Variants in PHRF1 observed in about 807,000 individuals in gnomAD.
PHRF1 encodes PHD and RING finger domain-containing protein 1.
PHRF1 carries 53 observed loss-of-function variants against 128.9 expected under a neutral mutation model. The ratio of observed to expected loss-of-function variants is 0.41; its 90% CI spans 0.33 to 0.52. The LOEUF (loss-of-function observed/expected upper bound fraction) is 0.52. Among genes scored for constraint, PHRF1 ranks in the 20% least tolerant of loss-of-function variants. The pLI is 0.21. For missense variants in PHRF1, 2,503 were observed against 2,284.5 expected (o/e 1.10, Z -1.95); for synonymous variants, 1,178 against 980.6 (o/e 1.20, Z -3.76).
rs772198064 is a variant in PHRF1 at position 597,399 on chromosome 11, G to T, written c.723G>T (p.Ala241=). 17 of 1,611,490 alleles carry T rather than the reference G, an allele frequency of 1.1e-5. No homozygotes were observed. Among genetic ancestry groups the T allele is most frequent in the Admixed American group, 5.0e-5 (3 of 59,828 alleles). Residue 241 remains alanine (A), a synonymous_variant, in exon 8 of 18, where the codon GCG becomes GCT. Transcript: ENST00000264555. The surrounding 1 kb of genome is among the most constrained non-coding windows in gnomAD (Gnocchi z 6.5). ...AGCCCTGGTGGTTCTTCCCAGATGC[G>T]GGTCCCGTGAGTGAGGAGGAGGTCT... The part of the protein sequence containing the change: ...AAPGVVLAAD[A]GPVSEEEVSL...
At chr11:579,303 T>C (rs1425001506) in intron 1 of PHRF1, among the ~76,000 whole-genome samples, 1 of 145,344 alleles carries the variant, frequency 6.9e-6, no homozygotes, top group Non-Finnish European at 1.5e-5. Flanking sequence ...TTTGAAGTGT[T>C]CCTTGGTAGA....
At chr11:600,846 G>A (rs57504413) in intron 9 of PHRF1, among the ~76,000 whole-genome samples, 5,966 of 152,064 alleles carry the variant, frequency 0.039, 402 homozygotes, top group African/African-American at 0.14. Context: ...GGCGCCTGTA[G>A]TCCCAGCTAC....
intron 6 of PHRF1, among the ~76,000 whole-genome samples, chr11:593,070 C>T (rs894379011): frequency 6.6e-6 from 1 of 152,158 alleles, no homozygotes; most frequent in Non-Finnish European, 1.5e-5. Flanking sequence ...CCTCCTTCAC[C>T]CTCTGGTGCA....
At position 607,771 on chromosome 11, in the gene PHRF1, C is replaced by A. The variant is rs752568631; in HGVS notation, c.2315C>A (p.Ser772Ter). The change falls in exon 14 of 18, where the codon TCG becomes TAG. Residue 772 changes from serine to a stop codon, truncating the protein, a stop_gained. Coordinates refer to ENST00000264555, the MANE Select transcript of PHRF1 (RefSeq NM_001286581.2). LOFTEE classifies it high-confidence loss of function. ...CCATCAAGAGGGAAAGGGGTCGGGTCGACCTTTGAGAGCTTCCGGATCAAT... is the reference window on the plus strand; with the variant it reads ...CCATCAAGAGGGAAAGGGGTCGGGTAGACCTTTGAGAGCTTCCGGATCAAT... ...LGPSRGKGVG[S>*]TFESFRINIP... The A allele has an allele frequency of 6.2e-7, 1 of 1,612,568 alleles. No homozygotes were observed. The highest frequency in any genetic ancestry group is 1.1e-5 in the South Asian group (1 of 91,088).
chr11:602,798 C>G (rs1224828440), intron 10 of PHRF1, among the ~76,000 whole-genome samples: 1 of 149,408 alleles, frequency 6.7e-6, no homozygotes, highest in Non-Finnish European at 1.5e-5. Context: ...GAGTCTCACT[C>G]TGTCCCCACG....
chr11:608,261 A>G lies in PHRF1; in HGVS notation c.2805A>G (p.Pro935=). 1.2e-6 allele frequency: 2 copies of G among 1,609,998 alleles called. No homozygotes were observed. The highest frequency in any genetic ancestry group is 8.5e-7 in the Non-Finnish European group (1 of 1,179,574). The part of the protein sequence containing the change: ...SQGLAARLRR[P]SPPEPWDEED... ...GCCTGGCTGCCCGGCTGCGGAGGCC[A>G]TCCCCCCCAGAGCCCTGGGATGAGG... The change falls in exon 14 of 18, where the codon CCA becomes CCG. Residue 935 remains proline (P), a synonymous_variant. Transcript: ENST00000264555.
rs529071490 is a variant in PHRF1, at chr11:609,058, C to T, written c.3602C>T (p.Ala1201Val). 2 of 1,596,110 alleles carry T rather than the reference C, an allele frequency of 1.3e-6. No homozygotes were observed. The highest frequency in any genetic ancestry group is 2.3e-5 in the East Asian group (1 of 44,228). ...GAGAGGAAGGGGGCTGTGAGGGAGGCTTCCCCAGCGCCCCTTGCACAGGGG... is the reference window on the plus strand; with the variant it reads ...GAGAGGAAGGGGGCTGTGAGGGAGGTTTCCCCAGCGCCCCTTGCACAGGGG... Reference protein sequence around the residue: ...SPERKGAVREASPAPLAQGEP... With the variant: ...SPERKGAVREVSPAPLAQGEP... Residue 1201 changes from alanine to valine, a missense_variant, in exon 14 of 18, where the codon GCT becomes GTT. By Grantham distance (64) the Ala-to-Val change is moderately conservative. Transcript: ENST00000264555.
At position 609,148 on chromosome 11, in the gene PHRF1, A is replaced by C. The variant is rs7116027; in HGVS notation, c.3692A>C (p.Glu1231Ala). The change falls in exon 14 of 18, where the codon GAG (glutamate) becomes GCG (alanine). Residue 1231 changes from glutamate (E) to alanine (A), a missense_variant. Transcript: ENST00000264555. ...PALGEAHVSP[E>A]VATADKAPLQ... ...TTGGGGGAAGCACATGTCTCGCCGG[A>C]GGTGGCTACGGCCGACAAGGCCCCC... The C allele has an allele frequency of 1.7e-3, 2,756 of 1,606,286 alleles. 34 individuals are homozygous for C. The African/African-American group carries it at 0.032, about 19-fold the overall frequency.
intron 15 of PHRF1, 69 bp downstream of exon 15, chr11:610,416 C>G: frequency 1.9e-6 from 3 of 1,540,142 alleles, no homozygotes; most frequent in South Asian, 1.2e-5. Context: ...ACACACCACA[C>G]TAGGCTGGGG....
chr11:607,878 C>A lies in PHRF1; in HGVS notation c.2422C>A (p.Gln808Lys). ...GTTCCGGCCTGTGGACGATAAGGAGCAGAGGAAGGAGAACCCCTCACCCCT... is the reference window on the plus strand; with the variant it reads ...GTTCCGGCCTGTGGACGATAAGGAGAAGAGGAAGGAGAACCCCTCACCCCT... ...NTFRPVDDKE[Q>K]RKENPSPLFS... Residue 808 changes from glutamine (Q) to lysine (K), a missense_variant, in exon 14 of 18, where the codon CAG (glutamine) becomes AAG (lysine). Physicochemically the swap from Gln to Lys is moderately conservative, Grantham distance 53. Coordinates refer to ENST00000264555, the MANE Select transcript of PHRF1 (RefSeq NM_001286581.2). 6.2e-7 allele frequency: 1 copy of A among 1,612,780 alleles called. No individual in the cohort carries two copies. The highest frequency in any genetic ancestry group is 8.5e-7 in the Non-Finnish European group (1 of 1,179,894).
chr11:580,581 C>T, intron 1 of PHRF1, among the ~76,000 whole-genome samples: 1 of 152,210 alleles, frequency 6.6e-6, no homozygotes, highest in East Asian at 1.9e-4. Flanking sequence ...GCAGGGAGAG[C>T]ACCCTACGTG....
At position 609,209 on chromosome 11, in the gene PHRF1, G is replaced by A; in HGVS notation, c.3753G>A (p.Glu1251=). 5 of 1,609,200 alleles carry A rather than the reference G, an allele frequency of 3.1e-6. No homozygotes were observed. Among genetic ancestry groups the A allele is most frequent in the Non-Finnish European group, 3.4e-6 (4 of 1,179,854 alleles). Residue 1251 remains glutamate (E), a synonymous_variant, in exon 14 of 18, where the codon GAG becomes GAA. Transcript: ENST00000264555. ...CCCCTGTCCTGGAGGTGGCAGCTGA[G>A]TGTGAGCCGGACGACCTGGACCTGG... ...QAPPVLEVAA[E]CEPDDLDLDY... is the part of the protein sequence containing the mutation.
intron 1 of PHRF1, among the ~76,000 whole-genome samples, chr11:580,820 C>T (rs1238708976): frequency 1.3e-5 from 2 of 152,188 alleles, no homozygotes; most frequent in African/African-American, 2.4e-5. Context: ...TCCCGAGTAG[C>T]TGGGATTACA....
intron 3 of PHRF1, among the ~76,000 whole-genome samples, chr11:585,856 A>ATATT (rs939162483): frequency 9.1e-5 from 13 of 142,544 alleles, no homozygotes; most frequent in Middle Eastern, 4.0e-3. Flanking sequence ...AATTTTTTGT[A>ATATT]TATTTATTTA....
At chr11:601,494 G>T in intron 9 of PHRF1, 80 bp from the exon 10 acceptor site, 8 of 1,578,778 alleles carry the variant, frequency 5.1e-6, no homozygotes, top group Non-Finnish European at 6.9e-6. Flanking sequence ...CTTGGGCTCC[G>T]TCCACTGGGC....
At chr11:581,156 C>T (rs1239236590) in intron 1 of PHRF1, among the ~76,000 whole-genome samples, 7 of 151,628 alleles carry the variant, frequency 4.6e-5, no homozygotes, top group African/African-American at 1.5e-4. Flanking sequence ...ATTTTCTGGC[C>T]GGGTACAGTG....
Position 609,300 on chromosome 11 carries a change from C to G in PHRF1, c.3844C>G (p.Gln1282Glu), listed in dbSNP as rs1323284379. Residue 1282 changes from glutamine to glutamate, a missense_variant, in exon 14 of 18, where the codon CAG becomes GAG. Gln to Glu is a conservative substitution (Grantham distance 29, BLOSUM62 2). Transcript: ENST00000264555. Reference sequence around the variant, plus strand: ...TTTCTCAAGCGACGCCGTTTTCATCCAGCTCGATGACATGAGCTCGCCACC... The same window carrying G: ...TTTCTCAAGCGACGCCGTTTTCATCGAGCTCGATGACATGAGCTCGCCACC... The part of the protein sequence containing the change: ...DDFSSDAVFI[Q>E]LDDMSSPPSP... The G allele has an allele frequency of 6.2e-7, 1 of 1,612,564 alleles. No homozygotes were observed. The highest frequency in any genetic ancestry group is 1.1e-5 in the South Asian group (1 of 91,088).
intron 12 of PHRF1, among the ~76,000 whole-genome samples, chr11:605,979 C>A (rs769193051): frequency 3.9e-5 from 6 of 152,230 alleles, no homozygotes; most frequent in Non-Finnish European, 5.9e-5. Context: ...CTCTGCCCCC[C>A]ACCCCGGCCT....
intron 4 of PHRF1, among the ~76,000 whole-genome samples, chr11:590,243 C>T (rs1342638134): frequency 6.6e-6 from 1 of 152,216 alleles, no homozygotes; most frequent in Non-Finnish European, 1.5e-5. Context: ...GGGTGTCACA[C>T]GTACAACCTC....
Sources: gnomAD v4.1 joint callset for allele counts (sites outside exome capture counted in the v4.1 genomes callset) on GRCh38, gnomAD v4.1.1 for gene constraint, Gnocchi (gnomAD v3.1) non-coding constraint, MANE v1.5 for transcripts, NCBI Gene and HGNC (gene_info 2026-07-23, HGNC 2026-07-21) for gene names.